The following CHD6 variants were observed in gnomAD, a reference collection of about 807,000 sequenced individuals.
CHD6 encodes the protein chromodomain helicase DNA binding protein 6, also known as ATP-dependent chromatin remodeler CHD6.
Under a neutral mutation model 276.9 loss-of-function variants are expected in CHD6, and 50 were observed. The observed-to-expected ratio is 0.18, with a 90% CI of 0.14 to 0.23. The LOEUF is 0.23. Among genes scored for constraint, CHD6 ranks in the 10% least tolerant of loss-of-function variants. The pLI is 1.00. For missense variants in CHD6, 2,564 were observed against 3,365.8 expected (o/e 0.76, Z 5.89); for synonymous variants, 1,173 against 1,229.3 (o/e 0.95, Z 0.96).
In CHD6 at chr20:41,600,480, T is replaced by C. The variant is rs547296085; in HGVS notation, c.-24+17860A>G. Among the ~76,000 whole-genome samples, 9 of 152,250 alleles carry C rather than the reference T, an allele frequency of 5.9e-5. No homozygotes were observed. The South Asian group carries it at 1.5e-3, about 25-fold the overall frequency. Reference sequence around the variant, plus strand: ...GGTCACAAGAGAACCTTATGGAGTGTTGGAACAGTCTCTATGTTGATCTGA... The same window carrying C: ...GGTCACAAGAGAACCTTATGGAGTGCTGGAACAGTCTCTATGTTGATCTGA... On this transcript the variant is annotated intron_variant, in intron 1 of 36. Transcript: ENST00000373233.
intron 2 of CHD6, among the ~76,000 whole-genome samples, chr20:41,544,403 A>G (rs1420139038): frequency 2.0e-5 from 3 of 152,186 alleles, no homozygotes; most frequent in Non-Finnish European, 1.5e-5. Flanking sequence ...TCAAGACAGG[A>G]GACGAGGCAA....
chr20:41,569,445 T>G (rs1338096037), intron 1 of CHD6, among the ~76,000 whole-genome samples: 2 of 152,236 alleles, frequency 1.3e-5, no homozygotes, highest in African/African-American at 4.8e-5. Context: ...ACTAGTTGTT[T>G]GCCTAAAAGT....
intron 17 of CHD6, among the ~76,000 whole-genome samples, chr20:41,460,365 A>C (rs1452095365): frequency 1.3e-5 from 2 of 152,258 alleles, no homozygotes; most frequent in African/African-American, 4.8e-5. Flanking sequence ...GTTAATCCCC[A>C]AGAGCATGTG....
chr20:41,589,301 C>T (rs1347592860), intron 1 of CHD6, among the ~76,000 whole-genome samples: 14 of 152,118 alleles, frequency 9.2e-5, no homozygotes, highest in Non-Finnish European at 1.5e-4. Flanking sequence ...CCTTTGAAAA[C>T]TGGCACAAGA....
intron 3 of CHD6, among the ~76,000 whole-genome samples, chr20:41,529,009 C>A (rs962707405): frequency 2.0e-5 from 3 of 152,186 alleles, no homozygotes; most frequent in African/African-American, 7.2e-5. Flanking sequence ...AATCTCCCCA[C>A]GTCCATTTCT....
chr20:41,480,505 C>G (rs946236347), intron 16 of CHD6, among the ~76,000 whole-genome samples: 16 of 152,290 alleles, frequency 1.1e-4, no homozygotes, highest in African/African-American at 3.4e-4. Context: ...TTTCCTAAGT[C>G]ATAATAAACA....
intron 3 of CHD6, among the ~76,000 whole-genome samples, chr20:41,529,673 G>A (rs2146050874): frequency 6.6e-6 from 1 of 152,258 alleles, no homozygotes; most frequent in African/African-American, 2.4e-5. Context: ...GTGGGTCAAG[G>A]ACCTTTAAGA....
chr20:41,456,426 TA>T (rs922218607), intron 18 of CHD6, among the ~76,000 whole-genome samples: 7 of 147,820 alleles, frequency 4.7e-5, no homozygotes, highest in South Asian at 2.2e-4. Flanking sequence ...ATTTCTCAAC[TA>T]AAAAAAAAAT....
intron 8 of CHD6, among the ~76,000 whole-genome samples, chr20:41,496,491 A>G (rs531035736): frequency 6.6e-6 from 1 of 152,212 alleles, no homozygotes; most frequent in Non-Finnish European, 1.5e-5. Context: ...CGTGTGCTTT[A>G]GCTACCTCAT....
At chr20:41,428,274 G>C (rs1359829972) in intron 27 of CHD6, among the ~76,000 whole-genome samples, 1 of 152,238 alleles carries the variant, frequency 6.6e-6, no homozygotes, top group East Asian at 1.9e-4. Flanking sequence ...TAGTTTGTTA[G>C]TAGCTCAAGT....
chr20:41,458,625 G>T (rs1319363574), intron 17 of CHD6, among the ~76,000 whole-genome samples: 1 of 152,150 alleles, frequency 6.6e-6, no homozygotes, highest in Non-Finnish European at 1.5e-5. Context: ...AATAGGTATG[G>T]ATATGTGTAC....
intron 1 of CHD6, among the ~76,000 whole-genome samples, chr20:41,583,880 T>A (rs143779272): frequency 1.7e-3 from 259 of 152,140 alleles, no homozygotes; most frequent in African/African-American, 6.0e-3. Flanking sequence ...TAAAAAGGTA[T>A]AACTAATACA....
intron 27 of CHD6, among the ~76,000 whole-genome samples, chr20:41,436,228 T>C (rs2047705742): frequency 6.6e-6 from 1 of 152,140 alleles, no homozygotes; most frequent in South Asian, 2.1e-4. Context: ...GAAAAGGATA[T>C]ACAGATGGCA....
chr20:41,594,079 C>G (rs1568723728), intron 1 of CHD6, among the ~76,000 whole-genome samples: 1 of 151,704 alleles, frequency 6.6e-6, no homozygotes. Context: ...AATGGAACAC[C>G]TCAATTCATC....
rs2047179809 is a variant in CHD6, at chr20:41,421,227, C to T, written c.5408G>A (p.Gly1803Asp). 5 of 1,613,806 alleles carry T rather than the reference C, an allele frequency of 3.1e-6. No homozygotes were observed. Among genetic ancestry groups the T allele is most frequent in the Non-Finnish European group, 3.4e-6 (4 of 1,179,922 alleles). Reference sequence around the variant, plus strand: ...AGCTAAACACTTGGCTTCCAGCTGGCCAATGTTTTCAGGTCTCTGTCCTGC... The same window carrying T: ...AGCTAAACACTTGGCTTCCAGCTGGTCAATGTTTTCAGGTCTCTGTCCTGC... Reference protein sequence around the residue: ...SEAGQRPENIGQLEAKCLASP... With the variant: ...SEAGQRPENIDQLEAKCLASP... The change falls in exon 31 of 37, where the codon GGC (glycine) becomes GAC (aspartate). Residue 1803 changes from glycine to aspartate, a missense_variant. Gly to Asp is a moderately conservative substitution (Grantham distance 94). Around this residue, in one of 7 missense-constraint regions of CHD6, gnomAD observed 1,024 missense variants for 1,047.9 expected, o/e 0.98. Coordinates refer to ENST00000373233, the MANE Select transcript of CHD6 (RefSeq NM_032221.5).
At chr20:41,546,899 C>G (rs867548141) in intron 2 of CHD6, among the ~76,000 whole-genome samples, 1 of 152,070 alleles carries the variant, frequency 6.6e-6, no homozygotes, top group Non-Finnish European at 1.5e-5. Context: ...ATCTCTAAAC[C>G]CTTTATTCTG....
At chr20:41,469,430 A>G (rs892514473) in intron 17 of CHD6, among the ~76,000 whole-genome samples, 1 of 152,172 alleles carries the variant, frequency 6.6e-6, no homozygotes, top group Non-Finnish European at 1.5e-5. Flanking sequence ...CTCTGAGGGG[A>G]GCATGATAGC....
At chr20:41,436,747 A>T (rs1251704584) in intron 27 of CHD6, among the ~76,000 whole-genome samples, 1 of 152,216 alleles carries the variant, frequency 6.6e-6, no homozygotes, top group African/African-American at 2.4e-5. Flanking sequence ...CTGCATGAAA[A>T]AGCCAATCCC....
Position 41,437,255 on chromosome 20 carries a change from T to C in CHD6, c.4068+19A>G. On this transcript the variant is annotated intron_variant, in intron 27 of 36. Coordinates refer to ENST00000373233, the MANE Select transcript of CHD6 (RefSeq NM_032221.5). ...TATGAAAGACGGTGTAAATGACCAA[T>C]ACTGCACATTTGACTCACCGTTTGT... The C allele has an allele frequency of 1.3e-6, 2 of 1,593,366 alleles. No individual in the cohort carries two copies. Among genetic ancestry groups the C allele is most frequent in the Non-Finnish European group, 1.7e-6 (2 of 1,161,122 alleles).
Sources: allele counts gnomAD v4.1 joint callset (sites outside exome capture counted in the v4.1 genomes callset), GRCh38; gene constraint gnomAD v4.1.1; regional missense constraint gnomAD v4.1.1; transcripts MANE v1.5; gene names NCBI Gene and HGNC (gene_info 2026-07-23, HGNC 2026-07-21).